The following HSD17B12 variants were observed in gnomAD, a reference collection of about 807,000 sequenced individuals.
HSD17B12 encodes hydroxysteroid 17-beta dehydrogenase 12.
A neutral mutation model predicts 39.3 loss-of-function variants in HSD17B12; 32 were observed. The ratio of observed to expected loss-of-function variants is 0.81; its 90% confidence interval spans 0.61 to 1.09. The LOEUF is 1.09. Among genes scored for constraint, HSD17B12 ranks in the 50% least tolerant of loss-of-function variants. HSD17B12 has a pLI of 0.00. For synonymous variants in HSD17B12, 150 were observed against 146.7 expected (o/e 1.02, Z -0.16); for missense variants, 342 against 382.9 (o/e 0.89, Z 0.89).
At chr11:43,799,734 G>A (rs937847293) in intron 4 of HSD17B12, among the ~76,000 whole-genome samples, 2 of 152,098 alleles carry the variant, frequency 1.3e-5, no homozygotes, top group Non-Finnish European at 2.9e-5. Flanking sequence ...TTCTTTAGTC[G>A]TAAAGACCCC....
At chr11:43,612,388 T>C in the HSD17B12 span, among the ~76,000 whole-genome samples, 2 of 152,206 alleles carry the variant, frequency 1.3e-5, no homozygotes, top group Non-Finnish European at 2.9e-5. Context: ...TTAAAAGGTA[T>C]ATTGGGATCT....
the HSD17B12 span, among the ~76,000 whole-genome samples, chr11:43,609,179 A>G: frequency 6.6e-6 from 1 of 151,762 alleles, no homozygotes; most frequent in East Asian, 1.9e-4. Context: ...GGCTCAAGTG[A>G]TCTGCCCACC....
At chr11:43,711,447 G>A (rs1370671702) in intron 1 of HSD17B12, among the ~76,000 whole-genome samples, 1 of 148,314 alleles carries the variant, frequency 6.7e-6, no homozygotes, top group African/African-American at 2.5e-5. Context: ...AAACTATGGT[G>A]TGTTTTTTTG....
At chr11:43,638,656 C>T in the HSD17B12 span, among the ~76,000 whole-genome samples, 14 of 151,246 alleles carry the variant, frequency 9.3e-5, no homozygotes, top group Admixed American at 7.9e-4. Context: ...AGTGTTGAAC[C>T]TAGTAAGCAG....
the HSD17B12 span, among the ~76,000 whole-genome samples, chr11:43,614,857 A>G: frequency 6.6e-6 from 1 of 151,600 alleles, no homozygotes; most frequent in Non-Finnish European, 1.5e-5. Flanking sequence ...TCATTTCTTC[A>G]CCTATTATGT....
the HSD17B12 span, among the ~76,000 whole-genome samples, chr11:43,582,867 C>T: frequency 1.3e-5 from 2 of 152,174 alleles, no homozygotes; most frequent in South Asian, 4.1e-4. Context: ...GAAATTTTCC[C>T]TCCCTGAATA....
chr11:43,728,314 C>T (rs1449818917), intron 1 of HSD17B12, among the ~76,000 whole-genome samples: 1 of 152,106 alleles, frequency 6.6e-6, no homozygotes, highest in African/African-American at 2.4e-5. Flanking sequence ...GATCTGCCCA[C>T]CTTGGCCTCC....
At chr11:43,664,621 C>G in the HSD17B12 span, among the ~76,000 whole-genome samples, 1 of 152,200 alleles carries the variant, frequency 6.6e-6, no homozygotes, top group Non-Finnish European at 1.5e-5. Context: ...TACCTTCTTG[C>G]TTATGAAGTT....
chr11:43,848,942 C>T (rs1402296451), intron 9 of HSD17B12, among the ~76,000 whole-genome samples: 1 of 152,180 alleles, frequency 6.6e-6, no homozygotes, highest in East Asian at 1.9e-4. Context: ...TACTATCTGG[C>T]CTTCCTACAC....
At chr11:43,603,275 A>G in the HSD17B12 span, among the ~76,000 whole-genome samples, 1 of 152,202 alleles carries the variant, frequency 6.6e-6, no homozygotes, top group Non-Finnish European at 1.5e-5. Context: ...AACATACATC[A>G]GTAATGAGTG....
the HSD17B12 span, among the ~76,000 whole-genome samples, chr11:43,584,900 G>A: frequency 1.3e-5 from 2 of 152,206 alleles, no homozygotes; most frequent in Non-Finnish European, 2.9e-5. Context: ...GGACTGCATA[G>A]GACTTCCTGT....
the HSD17B12 span, among the ~76,000 whole-genome samples, chr11:43,594,084 AG>A: frequency 2.0e-5 from 3 of 152,210 alleles, no homozygotes; most frequent in Non-Finnish European, 2.9e-5. Flanking sequence ...CAAGATTGAA[AG>A]GGGAAACGGT....
At chr11:43,793,584 G>T (rs550144843) in intron 3 of HSD17B12, among the ~76,000 whole-genome samples, 2 of 152,274 alleles carry the variant, frequency 1.3e-5, no homozygotes, top group South Asian at 4.1e-4. Flanking sequence ...GATGGCCAGA[G>T]CTGGAAGTAT....
chr11:43,693,426 G>T (rs768361625), intron 1 of HSD17B12, among the ~76,000 whole-genome samples: 2 of 152,176 alleles, frequency 1.3e-5, no homozygotes, highest in Non-Finnish European at 2.9e-5. Context: ...TTAAAGAAAT[G>T]ATATGTACCT....
chr11:43,807,250 G>A (rs1349839230), intron 4 of HSD17B12, among the ~76,000 whole-genome samples: 1 of 152,198 alleles, frequency 6.6e-6, no homozygotes. Context: ...TGCATGTAAT[G>A]AAGGAGAATG....
the HSD17B12 span, chr11:43,673,276 G>A: frequency 6.6e-6 from 1 of 151,928 alleles, no homozygotes; most frequent in Non-Finnish European, 1.5e-5. Flanking sequence ...ATGAATTTTC[G>A]ACTAAATGGG....
chr11:43,671,386 G>T, the HSD17B12 span, among the ~76,000 whole-genome samples: 11 of 152,154 alleles, frequency 7.2e-5, no homozygotes, highest in Admixed American at 2.0e-4. Flanking sequence ...TCGCCATGTT[G>T]GCCAGACTGG....
intron 9 of HSD17B12, among the ~76,000 whole-genome samples, chr11:43,846,272 T>A (rs1190208298): frequency 3.3e-5 from 5 of 152,258 alleles, no homozygotes; most frequent in Non-Finnish European, 5.9e-5. Flanking sequence ...CTTATATTCA[T>A]TGGATATCTA....
chr11:43,741,726 T>C (rs1276288297), intron 1 of HSD17B12, among the ~76,000 whole-genome samples: 1 of 150,958 alleles, frequency 6.6e-6, no homozygotes, highest in Admixed American at 6.6e-5. Flanking sequence ...GATTTTCTTT[T>C]TCTTTTTCTT....
Sources: gnomAD v4.1 joint callset for allele counts (sites outside exome capture counted in the v4.1 genomes callset) on GRCh38, gnomAD v4.1.1 for gene constraint, MANE v1.5 for transcripts, NCBI Gene and HGNC (gene_info 2026-07-23, HGNC 2026-07-21) for gene names.